DPCD: variants seen among roughly 807,000 people sequenced by gnomAD.
The protein encoded by DPCD is protein DPCD.
In DPCD, 20 loss-of-function variants were observed where a neutral mutation model predicts 26.4. The ratio of observed to expected loss-of-function variants is 0.76; its 90% CI spans 0.53 to 1.10. The LOEUF is 1.10. Ranked by LOEUF, DPCD falls within the 50% of genes least tolerant of loss-of-function variation. DPCD has a pLI of 0.00. For synonymous variants in DPCD, 97 were observed against 94.2 expected (o/e 1.03, Z -0.17); for missense variants, 202 against 253.9 (o/e 0.80, Z 1.39).
intron 4 of DPCD, among the ~76,000 whole-genome samples, chr10:101,604,658 C>T (rs1400619918): frequency 6.6e-6 from 1 of 152,114 alleles, no homozygotes; most frequent in Non-Finnish European, 1.5e-5. Flanking sequence ...GGAAGTTGGC[C>T]GCTGTAGGTG....
At chr10:101,589,749 T>TGGTGCGCACCCGTAATTCCA (rs2063572154) in intron 1 of DPCD, among the ~76,000 whole-genome samples, 1 of 152,028 alleles carries the variant, frequency 6.6e-6, no homozygotes, top group African/African-American at 2.4e-5. Flanking sequence ...CCAGGTGTGG[T>TGGTGCGCACCCGTAATTCCA]GGTGCGCACC....
intron 4 of DPCD, among the ~76,000 whole-genome samples, chr10:101,606,808 A>C (rs1054537487): frequency 6.6e-6 from 1 of 152,094 alleles, no homozygotes; most frequent in East Asian, 1.9e-4. Context: ...GAAAAACCCT[A>C]TGTCTGGGGG....
At chr10:101,590,388 A>G (rs1370231141) in intron 1 of DPCD, among the ~76,000 whole-genome samples, 1 of 152,086 alleles carries the variant, frequency 6.6e-6, no homozygotes, top group African/African-American at 2.4e-5. Context: ...TAGATCTCTT[A>G]TGCCTTGCTA....
chr10:101,609,409 C>A lies in DPCD; in HGVS notation c.550C>A (p.Gln184Lys). The change falls in exon 6 of 6, where the codon CAG becomes AAG. Residue 184 changes from glutamine to lysine, a missense_variant. Physicochemically the swap from Gln to Lys is moderately conservative, Grantham distance 53. Coordinates refer to ENST00000370151, the MANE Select transcript of DPCD (RefSeq NM_015448.3). ...GGTTGTGGTGGCCGAGTCTGAGCTA[C>A]AGAAGGAACTAAAGAAGGTGAAGAC... ...KEVVVAESEL[Q>K]KELKKVKTAH... 1 of 1,614,148 alleles carries A rather than the reference C, an allele frequency of 6.2e-7. No individual in the cohort carries two copies. The highest frequency in any genetic ancestry group is 2.2e-5 in the East Asian group (1 of 44,888).
chr10:101,592,962 C>T (rs188393222), intron 1 of DPCD, among the ~76,000 whole-genome samples: 233 of 150,560 alleles, frequency 1.5e-3, no homozygotes, highest in African/African-American at 5.4e-3. Context: ...TGCAGTGAGC[C>T]GAGATCACAC....
chr10:101,594,561 C>T (rs996507573), intron 1 of DPCD, 97 bp from the exon 2 acceptor site: 3 of 1,277,450 alleles, frequency 2.3e-6, no homozygotes, highest in Non-Finnish European at 2.3e-6. Flanking sequence ...CCTCAGTACT[C>T]CCAAGGCTGG....
Position 101,600,766 on chromosome 10 carries a change from G to A in DPCD, c.174G>A (p.Leu58=). The A allele has an allele frequency of 6.2e-7, 1 of 1,613,788 alleles. No individual in the cohort carries two copies. ...GAAAGTGGCGTGTGAAAAGTGCCCT[G>A]GGAGCCATGGGCCAGTGGCAGCTTG... ...LVRKWRVKSA[L]GAMGQWQLEV... Residue 58 remains leucine (L), a synonymous_variant, in exon 3 of 6, where the codon CTG becomes CTA. Transcript: ENST00000370151. This position sits in a 1 kb window ranked among gnomAD's most constrained non-coding sequence, Gnocchi z 4.7.
intron 2 of DPCD, among the ~76,000 whole-genome samples, chr10:101,595,182 G>A (rs2063641842): frequency 6.6e-6 from 1 of 152,186 alleles, no homozygotes; most frequent in Non-Finnish European, 1.5e-5. Flanking sequence ...TTGCCTCAAA[G>A]GCAACACTAT....
Position 101,609,594 on chromosome 10 carries a change from T to C in DPCD, c.*123T>C, listed in dbSNP as rs1166903231. On this transcript the variant is annotated 3_prime_UTR_variant, in exon 6 of 6. Transcript: ENST00000370151. ...ATCAAGGGTCTCTAAGAACTGGGCATGGGGCACTCCTAGCCAGTGAGTCAT... is the reference window on the plus strand; with the variant it reads ...ATCAAGGGTCTCTAAGAACTGGGCACGGGGCACTCCTAGCCAGTGAGTCAT... 3 of 764,578 alleles carry C rather than the reference T, an allele frequency of 3.9e-6. No homozygotes were observed. Among genetic ancestry groups the C allele is most frequent in the Admixed American group, 5.2e-5 (2 of 38,226 alleles). 47.4% of individuals were successfully genotyped at this position (764,578 alleles called of 1,614,324 possible). A position where few individuals can be genotyped will look rare whatever the true frequency, so the allele number is the denominator to read the frequency against.
intron 5 of DPCD, 94 bp downstream of exon 5, chr10:101,609,031 C>T (rs2063753965): frequency 1.9e-6 from 2 of 1,071,918 alleles, no homozygotes; most frequent in Non-Finnish European, 2.9e-6. Flanking sequence ...TCAGTTCTAG[C>T]CCCAAGCCCT....
At chr10:101,593,905 G>A (rs1164712246) in intron 1 of DPCD, among the ~76,000 whole-genome samples, 1 of 152,078 alleles carries the variant, frequency 6.6e-6, no homozygotes, top group Non-Finnish European at 1.5e-5. Context: ...TGAGCTCCTA[G>A]TATATGCCAG....
chr10:101,594,870 C>T lies in DPCD; in HGVS notation c.145+132C>T, dbSNP rs1450829143. The T allele has an allele frequency of 1.8e-5, 14 of 794,962 alleles. No individual in the cohort carries two copies. The Admixed American group carries it at 2.2e-4, about 12-fold the overall frequency. The allele number at this position is 794,962 out of a possible 1,614,324, so 49.2% of individuals were successfully genotyped here. A position where few individuals can be genotyped will look rare whatever the true frequency, so the allele number is the denominator to read the frequency against. On this transcript the variant is annotated intron_variant, in intron 2 of 5. Coordinates refer to ENST00000370151, the MANE Select transcript of DPCD (RefSeq NM_015448.3). ...AGAGGCTGGGAGAGACGGAAGCCCTCGAGACAACAACGTTCCTGAGCATAA... is the reference window on the plus strand; with the variant it reads ...AGAGGCTGGGAGAGACGGAAGCCCTTGAGACAACAACGTTCCTGAGCATAA...
intron 5 of DPCD, chr10:101,609,159 GGAAGC>G (rs2063755124): frequency 1.6e-6 from 1 of 643,016 alleles, no homozygotes; most frequent in East Asian, 2.7e-5. Flanking sequence ...AGGGTGAAAG[GGAAGC>G]GGTGGAAATT....
chr10:101,598,495 C>T (rs1024660485), intron 2 of DPCD, among the ~76,000 whole-genome samples: 1 of 151,800 alleles, frequency 6.6e-6, no homozygotes. Context: ...CTCCTTGAGC[C>T]TCAGTAATTC....
rs375546319 is a variant in DPCD at position 101,608,893 on chromosome 10, G to A, written c.463G>A (p.Ala155Thr). Reference protein sequence around the residue: ...LDRHQLPLDDALLSFAHANCT... With the variant: ...LDRHQLPLDDTLLSFAHANCT... ...TAGACACCAGCTACCTCTGGATGAC[G>A]CCTTGCTGAGCTTTGCCCACGCCAA... Residue 155 changes from alanine (A) to threonine (T), a missense_variant, in exon 5 of 6, where the codon GCC (alanine) becomes ACC (threonine). Around this residue, in one of 3 missense-constraint regions of DPCD, gnomAD observed 118 missense variants for 145.1 expected, o/e 0.81. Transcript: ENST00000370151. 33 of 1,613,636 alleles carry A rather than the reference G, an allele frequency of 2.0e-5. No individual in the cohort carries two copies. The highest frequency in any genetic ancestry group is 1.1e-4 in the African/African-American group (8 of 74,870).
chr10:101,602,453 G>C (rs934523641), intron 4 of DPCD, among the ~76,000 whole-genome samples: 2 of 152,212 alleles, frequency 1.3e-5, no homozygotes, highest in African/African-American at 2.4e-5. Context: ...CAGGGGAAAG[G>C]GTGGAGATGG....
chr10:101,599,008 G>C (rs1279243348), intron 2 of DPCD, among the ~76,000 whole-genome samples: 1 of 152,166 alleles, frequency 6.6e-6, no homozygotes, highest in African/African-American at 2.4e-5. Flanking sequence ...GAGTCTAAGG[G>C]TGCTTGTTTG....
Position 101,595,924 on chromosome 10 carries a change from G to A in DPCD, c.145+1186G>A, listed in dbSNP as rs569301421. On this transcript the variant is annotated intron_variant, in intron 2 of 5. Transcript: ENST00000370151. ...GAGAACTTATGAAAGCAGAGGTCACGTGGACTAGCCACCACCATAACCAGG... is the reference window on the plus strand; with the variant it reads ...GAGAACTTATGAAAGCAGAGGTCACATGGACTAGCCACCACCATAACCAGG... Among the ~76,000 whole-genome samples the A allele has an allele frequency of 2.3e-3, 350 of 152,294 alleles. 3 individuals carry two copies. Among genetic ancestry groups the A allele is most frequent in the African/African-American group, 8.2e-3 (340 of 41,550 alleles).
intron 2 of DPCD, among the ~76,000 whole-genome samples, chr10:101,599,186 T>G (rs1359168880): frequency 6.6e-6 from 1 of 152,204 alleles, no homozygotes; most frequent in Non-Finnish European, 1.5e-5. Flanking sequence ...GAGTGATCTT[T>G]CCTATAGTAT....
Sources: allele counts gnomAD v4.1 joint callset (sites outside exome capture counted in the v4.1 genomes callset), GRCh38; gene constraint gnomAD v4.1.1; regional missense constraint gnomAD v4.1.1; non-coding constraint Gnocchi (gnomAD v3.1); transcripts MANE v1.5; gene names NCBI Gene and HGNC (gene_info 2026-07-23, HGNC 2026-07-21).